The following RTL9 variants were observed in gnomAD, a reference collection of about 807,000 sequenced individuals.
The protein encoded by RTL9 is retrotransposon Gag-like protein 9.
Under a neutral mutation model 44.7 loss-of-function variants are expected in RTL9, and 19 were observed. The observed-to-expected ratio is 0.42, with a 90% confidence interval of 0.30 to 0.62. The LOEUF (loss-of-function observed/expected upper bound fraction) is 0.62, where lower values mean the gene tolerates loss of function less well. Among genes scored for constraint, RTL9 ranks in the 20% least tolerant of loss-of-function variants. The pLI, the probability that RTL9 is intolerant of heterozygous loss-of-function variation, is 0.16. For missense variants in RTL9, 1,105 were observed against 1,080.6 expected (o/e 1.02, Z -0.32); for synonymous variants, 407 against 398.9 (o/e 1.02, Z -0.24).
At chrX:110,437,210 C>T (rs1279735403) in intron 1 of RTL9, among the ~76,000 whole-genome samples, 1 of 111,578 alleles carries the variant, frequency 9.0e-6, no homozygotes, top group African/African-American at 3.3e-5. Flanking sequence ...GATGGTGAGC[C>T]CCTGACCCCT....
intron 1 of RTL9, among the ~76,000 whole-genome samples, chrX:110,398,234 G>A (rs1264245528): frequency 8.9e-6 from 1 of 112,060 alleles, no homozygotes; most frequent in Non-Finnish European, 1.9e-5. Flanking sequence ...AGGTGAACCC[G>A]CTGGCACCAC....
chrX:110,413,857 G>A (rs1489248435), intron 1 of RTL9, among the ~76,000 whole-genome samples: 1 of 111,235 alleles, frequency 9.0e-6, no homozygotes, highest in East Asian at 2.8e-4. Context: ...CAACTAATAT[G>A]TATGTGCCAG....
At chrX:110,424,706 A>G (rs2068741833) in intron 1 of RTL9, among the ~76,000 whole-genome samples, 2 of 112,006 alleles carry the variant, frequency 1.8e-5, no homozygotes, top group South Asian at 7.5e-4. Flanking sequence ...TGTAATTATA[A>G]GTAGTATATC....
chrX:110,368,711 A>C (rs150183498), intron 1 of RTL9, among the ~76,000 whole-genome samples: 1 of 112,270 alleles, frequency 8.9e-6, no homozygotes, highest in African/African-American at 3.2e-5. Flanking sequence ...CTTCACCACT[A>C]GAATATAAGC....
rs2068618177 is a variant in RTL9 at position 110,408,453 on chromosome X, A to G, written c.-167-36700A>G. Among the ~76,000 whole-genome samples, 3 of 112,744 alleles carry G rather than the reference A, an allele frequency of 2.7e-5. No individual in the cohort carries two copies. In the Admixed American group the frequency reaches 2.8e-4, roughly 11 times the overall value. ...AATGAAAAATAGTCTAGCATCCCGA[A>G]TAATTTTTGAATGTTCTGCTGGACT... On this transcript the variant is annotated intron_variant, in intron 1 of 2. Coordinates refer to the RTL9 transcript ENST00000520821.
chrX:110,411,160 G>A (rs953161023), intron 1 of RTL9, among the ~76,000 whole-genome samples: 1 of 111,980 alleles, frequency 8.9e-6, no homozygotes, highest in Non-Finnish European at 1.9e-5. Flanking sequence ...TGTGGCCTCC[G>A]ACAGTGAACC....
intron 1 of RTL9, among the ~76,000 whole-genome samples, chrX:110,430,693 T>C (rs987001870): frequency 1.8e-5 from 2 of 112,538 alleles, no homozygotes; most frequent in Non-Finnish European, 3.8e-5. Context: ...CCCTTGTATA[T>C]AGGGTTTTCA....
intron 1 of RTL9, among the ~76,000 whole-genome samples, chrX:110,407,775 C>CTGT (rs1005728217): frequency 4.5e-5 from 5 of 112,335 alleles, no homozygotes; most frequent in Non-Finnish European, 5.6e-5. Context: ...GAAGAGGGCC[C>CTGT]TAACAGAAGG....
Position 110,405,099 on chromosome X carries a change from C to CA in RTL9, c.-167-40054_-167-40053insA, listed in dbSNP as rs1284580222. 2.1e-4 allele frequency among the ~76,000 whole-genome samples: 21 copies of CA among 101,268 alleles called. 1 individual carries two copies. The highest frequency in any genetic ancestry group is 6.2e-4 in the African/African-American group (17 of 27,458). 87.9% of individuals were successfully genotyped at this position (101,268 alleles called of 115,157 possible). A position where few individuals can be genotyped will look rare whatever the true frequency, so the allele number is the denominator to read the frequency against. On this transcript the variant is annotated intron_variant, in intron 1 of 2. Transcript: ENST00000520821. ...GTGTGCTTGTTGTGTCCCCCCCCCC[C>CA]CCAAGCATGAGTCAGAGCCTTTCAT...
intron 1 of RTL9, among the ~76,000 whole-genome samples, chrX:110,412,524 T>C (rs1022261512): frequency 8.9e-6 from 1 of 112,121 alleles, no homozygotes; most frequent in African/African-American, 3.2e-5. Flanking sequence ...GTTTCTAACC[T>C]CTCTGTGCCG....
intron 1 of RTL9, among the ~76,000 whole-genome samples, chrX:110,410,860 G>C (rs935026255): frequency 8.9e-6 from 1 of 112,189 alleles, no homozygotes. Context: ...CGCAATTCAA[G>C]GCAGCCTCCT....
rs771704401 is a variant in RTL9, at chrX:110,453,357, C to G, written c.2740C>G (p.Leu914Val). 5.8e-6 allele frequency: 7 copies of G among 1,211,992 alleles called. No homozygotes were observed. The South Asian group carries it at 1.2e-4, about 21-fold the overall frequency. Residue 914 changes from leucine (L) to valine (V), a missense_variant, in exon 1 of 2, where the codon CTA (leucine) becomes GTA (valine). Physicochemically the swap from Leu to Val is conservative, Grantham distance 32 (BLOSUM62 1). Coordinates refer to ENST00000540313, the Ensembl canonical transcript of RTL9. Reference sequence around the variant, plus strand: ...AGCCTCTGGAACTATGTCCACACCACTAAGGAGACCCTCAGCCTGTGAGAC... The same window carrying G: ...AGCCTCTGGAACTATGTCCACACCAGTAAGGAGACCCTCAGCCTGTGAGAC...
At chrX:110,426,576 G>A (rs2068755875) in intron 1 of RTL9, 1 of 112,197 alleles carries the variant, frequency 8.9e-6, no homozygotes, top group South Asian at 3.7e-4. Context: ...CGTGAGACAT[G>A]GCGTCTGAAT....
intron 1 of RTL9, among the ~76,000 whole-genome samples, chrX:110,429,486 TG>T (rs770412186): frequency 0.017 from 1,184 of 69,132 alleles, 29 homozygotes; most frequent in African/African-American, 0.081. Context: ...TTTGTTTTTT[TG>T]GTTTTTTTGT....
At chrX:110,451,394 A>G (rs1356749764) in exon 1 of RTL9, 2 of 1,211,605 alleles carry the variant, frequency 1.7e-6, no homozygotes, top group Non-Finnish European at 2.2e-6. Context: ...CTTCGCTGCT[A>G]ATGTCAGGCA....
chrX:110,408,225 C>A (rs1020384683), intron 1 of RTL9, among the ~76,000 whole-genome samples: 51 of 112,416 alleles, frequency 4.5e-4, no homozygotes, highest in African/African-American at 1.6e-3. Context: ...GGACTCTAGT[C>A]CTTGGAGGCA....
chrX:110,427,611 T>G (rs1490839246), intron 1 of RTL9, among the ~76,000 whole-genome samples: 1 of 111,965 alleles, frequency 8.9e-6, no homozygotes, highest in Non-Finnish European at 1.9e-5. Context: ...AATCAGTTTC[T>G]AGGGGTGGGA....
At chrX:110,371,521 C>T (rs1180977101) in intron 1 of RTL9, among the ~76,000 whole-genome samples, 1 of 111,353 alleles carries the variant, frequency 9.0e-6, no homozygotes, top group Admixed American at 9.5e-5. Context: ...TGACCATCCC[C>T]AACTCCCCCC....
At chrX:110,435,752 C>T (rs1273941592) in intron 1 of RTL9, among the ~76,000 whole-genome samples, 1 of 112,048 alleles carries the variant, frequency 8.9e-6, no homozygotes, top group African/African-American at 3.2e-5. Context: ...ACATTTTACA[C>T]TCATCATCTC....
Sources: allele counts gnomAD v4.1 joint callset (sites outside exome capture counted in the v4.1 genomes callset), GRCh38; gene constraint gnomAD v4.1.1; transcripts MANE v1.5; gene names NCBI Gene and HGNC (gene_info 2026-07-23, HGNC 2026-07-21).